Variants in SLC5A6 observed in about 807,000 individuals in gnomAD.
SLC5A6 encodes solute carrier family 5 member 6.
SLC5A6 carries 31 observed loss-of-function variants against 67.9 expected under a neutral mutation model. That is an observed-to-expected ratio of 0.46 (90% CI 0.34 to 0.62). The LOEUF is 0.62. Among genes scored for constraint, SLC5A6 ranks in the 20% least tolerant of loss-of-function variants. SLC5A6 has a pLI of 0.01. For synonymous variants in SLC5A6, 343 were observed against 331.0 expected (o/e 1.04, Z -0.39); for missense variants, 673 against 812.8 (o/e 0.83, Z 2.09).
intron 5 of SLC5A6, 42 bp downstream of exon 5, chr2:27,206,441 A>C: frequency 6.3e-7 from 1 of 1,597,778 alleles, no homozygotes; most frequent in Admixed American, 1.7e-5. Flanking sequence ...GTGCTTTCCT[A>C]ACCTACCACG....
rs749501318 is a variant in SLC5A6 at position 27,200,545 on chromosome 2, G to A, written c.1799C>T (p.Pro600Leu). Reference sequence around the variant, plus strand: ...GCTGTCCCCCAGCACACCATTCCTCGGCTTCTCAGGAAACAGGCCAGTGTC... The same window carrying A: ...GCTGTCCCCCAGCACACCATTCCTCAGCTTCTCAGGAAACAGGCCAGTGTC... ...HLDTGLFPEK[P>L]RNGVLGDSRD... The change falls in exon 17 of 17, where the codon CCG becomes CTG. Residue 600 changes from proline to leucine, a missense_variant. Physicochemically the swap from Pro to Leu is moderately conservative, Grantham distance 98. Coordinates refer to ENST00000310574, the MANE Select transcript of SLC5A6 (RefSeq NM_021095.4). The A allele has an allele frequency of 1.2e-5, 20 of 1,613,760 alleles. No homozygotes were observed. The highest frequency in any genetic ancestry group is 2.2e-5 in the South Asian group (2 of 91,058).
chr2:27,212,134 G>T lies in SLC5A6; in HGVS notation c.-322C>A. The stretch of plus-strand genomic sequence containing the variant: ...GGCTCCGGGAAGCCGCGCGGCGACG[G>T]GGGAGGCCTTCACTAAAGGGGAAAA... On this transcript the variant is annotated 5_prime_UTR_variant, in exon 1 of 17. Coordinates refer to ENST00000310574, the MANE Select transcript of SLC5A6 (RefSeq NM_021095.4). 2.6e-6 allele frequency: 4 copies of T among 1,516,758 alleles called. No homozygotes were observed. The highest frequency in any genetic ancestry group is 1.3e-5 in the South Asian group (1 of 79,772). The allele number at this position is 1,516,758 out of a possible 1,614,324, so 94.0% of individuals were successfully genotyped here.
Position 27,202,755 on chromosome 2 carries a change from T to G in SLC5A6, c.1275+58A>C, listed in dbSNP as rs181174942. On this transcript the variant is annotated intron_variant, in intron 12 of 16. Transcript: ENST00000310574. Reference sequence around the variant, plus strand: ...AATATAGCTGCCCTTCTCAACTTCCTGTTTCAATCAATTCCTTCTCTCCCT... The same window carrying G: ...AATATAGCTGCCCTTCTCAACTTCCGGTTTCAATCAATTCCTTCTCTCCCT... The G allele has an allele frequency of 3.6e-5, 53 of 1,463,134 alleles. No individual in the cohort carries two copies. The Admixed American group carries it at 5.2e-4, about 14-fold the overall frequency. The allele number at this position is 1,463,134 out of a possible 1,614,324, so 90.6% of individuals were successfully genotyped here. A position where few individuals can be genotyped will look rare whatever the true frequency, so the allele number is the denominator to read the frequency against.
chr2:27,212,609 T>A, upstream of SLC5A6: 3 of 1,432,850 alleles, frequency 2.1e-6, no homozygotes, highest in Non-Finnish European at 2.7e-6. Flanking sequence ...CCCAGCCAGG[T>A]CCTGTTCCCA....
In SLC5A6 at chr2:27,206,869, C is replaced by G; in HGVS notation, c.459+8G>C. ...CCTAGGCTCGGTTTCTATCCTCATTCTGCTTACCATCTGAAAGATGAAGGT... is the reference window on the plus strand; with the variant it reads ...CCTAGGCTCGGTTTCTATCCTCATTGTGCTTACCATCTGAAAGATGAAGGT... On this transcript the variant is annotated splice_region_variant and intron_variant, in intron 4 of 16. Transcript: ENST00000310574. 1 of 1,610,600 alleles carries G rather than the reference C, an allele frequency of 6.2e-7. No homozygotes were observed.
chr2:27,205,797 C>T (rs914910983), intron 6 of SLC5A6, among the ~76,000 whole-genome samples: 1 of 152,194 alleles, frequency 6.6e-6, no homozygotes, highest in Non-Finnish European at 1.5e-5. Context: ...GGGGACTCTC[C>T]TGCCATTAGG....
intron 12 of SLC5A6, 61 bp from the exon 13 acceptor site, chr2:27,202,135 A>C: frequency 6.7e-6 from 8 of 1,188,392 alleles, no homozygotes; most frequent in Non-Finnish European, 1.0e-5. Flanking sequence ...GCCCAGACTC[A>C]CCATAAAGCA....
At position 27,206,045 on chromosome 2, in the gene SLC5A6, C is replaced by T; in HGVS notation, c.560G>A (p.Cys187Tyr). Residue 187 changes from cysteine (C) to tyrosine (Y), a missense_variant, in exon 6 of 17, where the codon TGT becomes TAT. By Grantham distance (194) the Cys-to-Tyr change is radical (BLOSUM62 -2). Coordinates refer to ENST00000310574, the MANE Select transcript of SLC5A6 (RefSeq NM_021095.4). Reference protein sequence around the residue: ...WLSVLALGIVCTVYTALGGLK... With the variant: ...WLSVLALGIVYTVYTALGGLK... ...ACTTACCAGAGCTGTATAGACGGTACAGACAATGCCCAGGGCCAGCACGGA... is the reference window on the plus strand; with the variant it reads ...ACTTACCAGAGCTGTATAGACGGTATAGACAATGCCCAGGGCCAGCACGGA... 6.2e-7 allele frequency: 1 copy of T among 1,614,014 alleles called. No homozygotes were observed. Among genetic ancestry groups the T allele is most frequent in the Non-Finnish European group, 8.5e-7 (1 of 1,179,876 alleles).
chr2:27,212,112 T>G lies in SLC5A6; in HGVS notation c.-300A>C. On this transcript the variant is annotated 5_prime_UTR_variant, in exon 1 of 17. Coordinates refer to ENST00000310574, the MANE Select transcript of SLC5A6 (RefSeq NM_021095.4). The stretch of plus-strand genomic sequence containing the variant: ...CGGGCTGAGGGAGTCTGCAGTCGGC[T>G]CCGGGAAGCCGCGCGGCGACGGGGG... The G allele has an allele frequency of 6.7e-7, 1 of 1,494,572 alleles. No homozygotes were observed. 92.6% of individuals were successfully genotyped at this position (1,494,572 alleles called of 1,614,324 possible). A position where few individuals can be genotyped will look rare whatever the true frequency, so the allele number is the denominator to read the frequency against.
chr2:27,202,605 C>G (rs543255441), intron 12 of SLC5A6, among the ~76,000 whole-genome samples: 47 of 151,590 alleles, frequency 3.1e-4, no homozygotes, highest in African/African-American at 1.1e-3. Flanking sequence ...TGATCCTTAG[C>G]TCTCTCTCAG....
At chr2:27,201,194 A>G (rs914710588) in intron 15 of SLC5A6, 81 bp from the exon 16 acceptor site, 17 of 1,106,956 alleles carry the variant, frequency 1.5e-5, no homozygotes, top group East Asian at 7.4e-5. Context: ...GCCCCCAGAG[A>G]CCCCAGCCCC....
chr2:27,200,971 A>G (rs1451408131), intron 16 of SLC5A6, 27 bp downstream of exon 16: 8 of 1,429,076 alleles, frequency 5.6e-6, no homozygotes, highest in Non-Finnish European at 6.9e-6. Context: ...AAGGGCAGGG[A>G]GGGGTCACTT....
At chr2:27,203,708 C>G (rs548694592) in intron 10 of SLC5A6, 71 bp downstream of exon 10, 3 of 1,155,404 alleles carry the variant, frequency 2.6e-6, no homozygotes, top group African/African-American at 3.0e-5. Context: ...TATCACCCCG[C>G]TCCACCCATC....
At chr2:27,206,655 C>T in intron 4 of SLC5A6, 121 bp from the exon 5 acceptor site, 1 of 1,023,864 alleles carries the variant, frequency 9.8e-7, no homozygotes, top group Non-Finnish European at 1.5e-6. Context: ...CTTCCCTCTT[C>T]CTTCTCCTCT....
At position 27,207,232 on chromosome 2, in the gene SLC5A6, C is replaced by T; in HGVS notation, c.393+26G>A. On this transcript the variant is annotated intron_variant, in intron 3 of 16. Coordinates refer to ENST00000310574, the MANE Select transcript of SLC5A6 (RefSeq NM_021095.4). The surrounding 1 kb of genome is among the most constrained non-coding windows in gnomAD (Gnocchi z 5.5). ...TCTCCACCCCAACCCGTGTCCCACG[C>T]ACTTCTCCCTTCTGTCCCTGCTCAC... is the stretch of plus-strand genomic sequence containing the variant. The T allele has an allele frequency of 1.2e-6, 2 of 1,609,020 alleles. No individual in the cohort carries two copies. The highest frequency in any genetic ancestry group is 1.7e-6 in the Non-Finnish European group (2 of 1,176,472).
At chr2:27,212,600 C>A, upstream of SLC5A6, 1 of 1,438,806 alleles carries the variant, frequency 7.0e-7, no homozygotes, top group African/African-American at 1.5e-5. Context: ...CCGACCCTGC[C>A]CAGCCAGGTC....
intron 16 of SLC5A6, 33 bp downstream of exon 16, chr2:27,200,965 G>C: frequency 7.3e-7 from 1 of 1,375,296 alleles, no homozygotes; most frequent in Middle Eastern, 1.8e-4. Flanking sequence ...GTGGAGAAGG[G>C]CAGGGAGGGG....
chr2:27,207,799 G>A lies in SLC5A6; in HGVS notation c.-140-9C>T, dbSNP rs1291033569. On this transcript the variant is annotated splice_polypyrimidine_tract_variant and intron_variant, in intron 2 of 16. Coordinates refer to ENST00000310574, the MANE Select transcript of SLC5A6 (RefSeq NM_021095.4). This position sits in a 1 kb window ranked among gnomAD's most constrained non-coding sequence, Gnocchi z 5.5. ...ATACTGTCCAGGGTGAGCTGCAAAG[G>A]AATTAGCTCTTAGTGAGGCCTATCT... is the stretch of plus-strand genomic sequence containing the variant. The A allele has an allele frequency of 4.1e-6, 3 of 729,294 alleles. No homozygotes were observed. Among genetic ancestry groups the A allele is most frequent in the Non-Finnish European group, 6.7e-6 (3 of 451,050 alleles). The allele number at this position is 729,294 out of a possible 1,614,324, so 45.2% of individuals were successfully genotyped here. A position where few individuals can be genotyped will look rare whatever the true frequency, so the allele number is the denominator to read the frequency against.
chr2:27,212,504 T>A, upstream of SLC5A6: 2 of 1,537,924 alleles, frequency 1.3e-6, no homozygotes, highest in South Asian at 2.4e-5. Context: ...TGAAGCAGGG[T>A]CGCTGGCCAG....
Sources: allele counts gnomAD v4.1 joint callset (sites outside exome capture counted in the v4.1 genomes callset), GRCh38; gene constraint gnomAD v4.1.1; non-coding constraint Gnocchi (gnomAD v3.1); transcripts MANE v1.5; gene names NCBI Gene and HGNC (gene_info 2026-07-23, HGNC 2026-07-21).